DHRS3: variants seen among roughly 807,000 people sequenced by gnomAD.
The protein encoded by DHRS3 is dehydrogenase/reductase 3.
DHRS3 carries 14 observed loss-of-function variants against 27.2 expected under a neutral mutation model. The ratio of observed to expected loss-of-function variants is 0.52; its 90% CI spans 0.34 to 0.81. DHRS3 has a LOEUF of 0.81. Ranked by LOEUF, DHRS3 falls within the 30% of genes least tolerant of loss-of-function variation. The pLI, the probability that DHRS3 is intolerant of heterozygous loss-of-function variation, is 0.01. For synonymous variants in DHRS3, 165 were observed against 175.9 expected (o/e 0.94, Z 0.49); for missense variants, 322 against 406.2 (o/e 0.79, Z 1.78).
At position 12,604,297 on chromosome 1, in the gene DHRS3, C is replaced by T. The variant is rs532524676; in HGVS notation, c.195+12857G>A. ...GAGCTGTCACTCACTCTCTCCTCTG[C>T]AGCTGGGTCTCTGCATGTTAAGATG... On this transcript the variant is annotated intron_variant, in intron 1 of 5. Coordinates refer to ENST00000616661, the MANE Select transcript of DHRS3 (RefSeq NM_004753.7). Among the ~76,000 whole-genome samples, 108 of 152,332 alleles carry T rather than the reference C, an allele frequency of 7.1e-4. 3 individuals are homozygous for T. Among genetic ancestry groups the T allele is most frequent in the South Asian group, 6.2e-3 (30 of 4,824 alleles).
intron 5 of DHRS3, among the ~76,000 whole-genome samples, chr1:12,571,830 G>C (rs976053243): frequency 6.6e-6 from 1 of 151,978 alleles, no homozygotes; most frequent in Non-Finnish European, 1.5e-5. Flanking sequence ...CACCGTGCCC[G>C]GCCACATTGT....
At chr1:12,577,108 C>T (rs1570358623) in intron 4 of DHRS3, among the ~76,000 whole-genome samples, 1 of 151,976 alleles carries the variant, frequency 6.6e-6, no homozygotes, top group Non-Finnish European at 1.5e-5. Context: ...CCGTGTCATC[C>T]TCATTTTTGG....
chr1:12,573,201 C>G (rs1266059274), intron 4 of DHRS3, among the ~76,000 whole-genome samples: 3 of 152,232 alleles, frequency 2.0e-5, no homozygotes, highest in Admixed American at 6.5e-5. Context: ...CTACACTCTG[C>G]TCCTTCAGGA....
intron 5 of DHRS3, among the ~76,000 whole-genome samples, chr1:12,570,443 T>C (rs968667000): frequency 2.0e-5 from 3 of 152,002 alleles, no homozygotes; most frequent in Admixed American, 2.0e-4. Context: ...AAGTACAAGA[T>C]GAAAAGGGTT....
chr1:12,610,574 C>G (rs1443914466), intron 1 of DHRS3, among the ~76,000 whole-genome samples: 1 of 152,158 alleles, frequency 6.6e-6, no homozygotes, highest in Non-Finnish European at 1.5e-5. Flanking sequence ...TTCCCACCAA[C>G]CATTCATTCA....
chr1:12,576,486 C>G (rs571847833), intron 4 of DHRS3, among the ~76,000 whole-genome samples: 2 of 151,684 alleles, frequency 1.3e-5, no homozygotes, highest in South Asian at 2.1e-4. Flanking sequence ...GGCATGAACC[C>G]GGGAGACGGA....
intron 1 of DHRS3, among the ~76,000 whole-genome samples, chr1:12,604,313 T>C (rs1248510163): frequency 6.6e-6 from 1 of 152,216 alleles, no homozygotes; most frequent in African/African-American, 2.4e-5. Context: ...GGTCTCTGCA[T>C]GTTAAGATGT....
intron 1 of DHRS3, chr1:12,616,932 G>T: frequency 2.3e-6 from 2 of 859,400 alleles, no homozygotes; most frequent in Non-Finnish European, 3.4e-6. Flanking sequence ...GCCAGCCACC[G>T]ATCCCAAAGG....
In DHRS3 at chr1:12,594,371, C is replaced by G. The variant is rs557763512; in HGVS notation, c.196-13705G>C. ...GCGGGGAATACATTTATCTCACTTGCGGAGTTTGCTTGTGTGTAAGTCCGG... is the reference window on the plus strand; with the variant it reads ...GCGGGGAATACATTTATCTCACTTGGGGAGTTTGCTTGTGTGTAAGTCCGG... On this transcript the variant is annotated intron_variant, in intron 1 of 5. Transcript: ENST00000616661. This position sits in a 1 kb window ranked among gnomAD's most constrained non-coding sequence, Gnocchi z 4.1. Among the ~76,000 whole-genome samples the G allele has an allele frequency of 6.6e-6, 1 of 152,164 alleles. No individual in the cohort carries two copies. Among genetic ancestry groups the G allele is most frequent in the Non-Finnish European group, 1.5e-5 (1 of 68,034 alleles).
intron 1 of DHRS3, among the ~76,000 whole-genome samples, chr1:12,607,278 T>A (rs1253082266): frequency 6.6e-6 from 1 of 152,300 alleles, no homozygotes; most frequent in East Asian, 1.9e-4. Flanking sequence ...TCTTAAAAAA[T>A]CTTTAAAGGG....
rs773338083 is a variant in DHRS3 at position 12,579,138 on chromosome 1, G to A, written c.459+155C>T. 2.9e-6 allele frequency: 4 copies of A among 1,366,928 alleles called. No individual in the cohort carries two copies. The East Asian group carries it at 9.9e-5, about 34-fold the overall frequency. 84.7% of individuals were successfully genotyped at this position (1,366,928 alleles called of 1,614,324 possible). A position where few individuals can be genotyped will look rare whatever the true frequency, so the allele number is the denominator to read the frequency against. ...CCGAGCATATTTCACAAAGTCTGAT[G>A]TGTCCTAGAGCTGGTCATTCGTCTT... On this transcript the variant is annotated intron_variant, in intron 3 of 5. Transcript: ENST00000616661.
chr1:12,584,091 C>T (rs932825511), intron 1 of DHRS3, among the ~76,000 whole-genome samples: 1 of 152,114 alleles, frequency 6.6e-6, no homozygotes, highest in African/African-American at 2.4e-5. Context: ...GTAACAGGAC[C>T]ATGGGGCTTG....
intron 1 of DHRS3, among the ~76,000 whole-genome samples, chr1:12,585,231 A>C (rs114461179): frequency 0.29 from 6,557 of 22,562 alleles, 555 homozygotes; most frequent in African/African-American, 0.44. Flanking sequence ...GTGTGTGTCT[A>C]TGTGAGTGTG....
chr1:12,583,629 CCA>C (rs1646666926), intron 1 of DHRS3, among the ~76,000 whole-genome samples: 6 of 148,140 alleles, frequency 4.1e-5, no homozygotes, highest in Admixed American at 6.7e-5. Context: ...ATCCATCCAT[CCA>C]TCCCTCCCTC....
Position 12,617,993 on chromosome 1 carries a change from CAGG to C in DHRS3, c.-648_-646del, listed in dbSNP as rs1646957309. 6.6e-6 allele frequency among the ~76,000 whole-genome samples: 1 copy of C among 151,956 alleles called. No individual in the cohort carries two copies. Among genetic ancestry groups the C allele is most frequent in the African/African-American group, 2.4e-5 (1 of 41,386 alleles). ...ACGCGATCTGATTGCCAGCAACGTG[CAGG>C]AGAAGTGGGGGGTCCGGGTGTCAGT... On this transcript the variant is annotated 5_prime_UTR_variant, in exon 1 of 6. Coordinates refer to ENST00000616661, the MANE Select transcript of DHRS3 (RefSeq NM_004753.7).
intron 1 of DHRS3, among the ~76,000 whole-genome samples, chr1:12,584,607 G>A (rs1490423749): frequency 6.6e-6 from 1 of 152,106 alleles, no homozygotes; most frequent in Non-Finnish European, 1.5e-5. Flanking sequence ...GACGGGGAAG[G>A]GAGGTGTTTT....
At chr1:12,590,242 A>G (rs1204812487) in intron 1 of DHRS3, among the ~76,000 whole-genome samples, 1 of 152,142 alleles carries the variant, frequency 6.6e-6, no homozygotes, top group African/African-American at 2.4e-5. Flanking sequence ...GCAAGCAGAT[A>G]TCATTCCAGG....
chr1:12,608,935 C>A lies in DHRS3; in HGVS notation c.195+8219G>T, dbSNP rs1427100781. The stretch of plus-strand genomic sequence containing the variant: ...AGTCATGGCTTCTAGCCCTTGTCAC[C>A]CAGCCTGCTCCCTGGATACCTTCCA... On this transcript the variant is annotated intron_variant, in intron 1 of 5. Coordinates refer to ENST00000616661, the MANE Select transcript of DHRS3 (RefSeq NM_004753.7). The surrounding 1 kb of genome is among the most constrained non-coding windows in gnomAD (Gnocchi z 4.1). Among the ~76,000 whole-genome samples, 1 of 152,180 alleles carries A rather than the reference C, an allele frequency of 6.6e-6. No individual in the cohort carries two copies. Among genetic ancestry groups the A allele is most frequent in the Non-Finnish European group, 1.5e-5 (1 of 68,036 alleles).
intron 1 of DHRS3, among the ~76,000 whole-genome samples, chr1:12,614,597 T>TA (rs1646931807): frequency 6.6e-6 from 1 of 151,886 alleles, no homozygotes; most frequent in Non-Finnish European, 1.5e-5. Context: ...AAATCCTATT[T>TA]AACTCAAGGT....
Sources: allele counts gnomAD v4.1 joint callset (sites outside exome capture counted in the v4.1 genomes callset), GRCh38; gene constraint gnomAD v4.1.1; non-coding constraint Gnocchi (gnomAD v3.1); transcripts MANE v1.5; gene names NCBI Gene and HGNC (gene_info 2026-07-23, HGNC 2026-07-21).